The following AATK variants were observed in gnomAD, a reference collection of about 807,000 sequenced individuals.
AATK encodes lemur tail kinase 1.
Under a neutral mutation model 114.3 loss-of-function variants are expected in AATK, and 91 were observed. The ratio of observed to expected loss-of-function variants is 0.80; its 90% CI spans 0.67 to 0.95. The LOEUF is 0.95. Ranked by LOEUF, AATK falls within the 40% of genes least tolerant of loss-of-function variation. AATK has a pLI of 0.00. For synonymous variants in AATK, 1,075 were observed against 916.5 expected, an observed-to-expected ratio of 1.17 and a Z score of -3.12; for missense variants, 2,176 against 1,965.2, an observed-to-expected ratio of 1.11 and a Z score of -2.03.
intron 1 of AATK, among the ~76,000 whole-genome samples, chr17:81,150,440 A>C (rs1598967143): frequency 5.7e-5 from 5 of 88,298 alleles, no homozygotes; most frequent in Admixed American, 1.6e-4. Context: ...CCCCCATCCT[A>C]CTCCTCAGTA....
intron 1 of AATK, among the ~76,000 whole-genome samples, chr17:81,157,003 G>A (rs2061374782): frequency 6.6e-6 from 1 of 152,160 alleles, no homozygotes; most frequent in Admixed American, 6.5e-5. Flanking sequence ...GACAGCAACG[G>A]TGCCCCCACA....
Position 81,128,491 on chromosome 17 carries a change from G to A in AATK, c.393C>T (p.Ile131=), listed in dbSNP as rs1047578414. Residue 131 remains isoleucine, a synonymous_variant, in exon 4 of 14, where the codon ATC becomes ATT. Transcript: ENST00000326724. ...GTACCTTCCCGAACCAGCCACGGCC[G>A]ATTTCCTTCAGGTACAGGAGGCTGT... ...GRHSLLYLKE[I]GRGWFGKVFL... 25 of 1,549,176 alleles carry A rather than the reference G, an allele frequency of 1.6e-5. No individual in the cohort carries two copies. The highest frequency in any genetic ancestry group is 7.3e-5 in the East Asian group (3 of 40,932).
Position 81,121,257 on chromosome 17 carries a change from C to T in AATK, c.2679G>A (p.Leu893=), listed in dbSNP as rs1249454091. 1.9e-6 allele frequency: 3 copies of T among 1,609,722 alleles called. No individual in the cohort carries two copies. Among genetic ancestry groups the T allele is most frequent in the East Asian group, 2.2e-5 (1 of 44,794 alleles). ...AGTCGGGGGTCCCCACCTGCTTCTG[C>T]AGAGAGCGGAAGGCTGGCACCACAT... ...RPDVVPAFRS[L]QKQVGTPDSL... is the part of the protein sequence containing the mutation. Residue 893 remains leucine (L), a synonymous_variant, in exon 11 of 14, where the codon CTG becomes CTA. Coordinates refer to ENST00000326724, the MANE Select transcript of AATK (RefSeq NM_001080395.3).
Position 81,130,033 on chromosome 17 carries a change from C to T in AATK, c.334+1028G>A, listed in dbSNP as rs1031328468. ...CAGACCAGTGCCTTGGGCCTCTCAG[C>T]CCACGATGAAGGCTAGGCTCTCAGG... On this transcript the variant is annotated intron_variant, in intron 3 of 13. Coordinates refer to ENST00000326724, the MANE Select transcript of AATK (RefSeq NM_001080395.3). Among the ~76,000 whole-genome samples, 5 of 152,206 alleles carry T rather than the reference C, an allele frequency of 3.3e-5. No homozygotes were observed. In the East Asian group the frequency reaches 9.6e-4, roughly 29 times the overall value.
At chr17:81,151,096 G>A (rs2061288977) in intron 1 of AATK, among the ~76,000 whole-genome samples, 1 of 152,176 alleles carries the variant, frequency 6.6e-6, no homozygotes, top group Admixed American at 6.5e-5. Context: ...GAACCACTGT[G>A]AGGCAGACAG....
chr17:81,120,529 G>C lies in AATK; in HGVS notation c.3407C>G (p.Pro1136Arg). 6.7e-7 allele frequency: 1 copy of C among 1,484,170 alleles called. No homozygotes were observed. The highest frequency in any genetic ancestry group is 9.0e-7 in the Non-Finnish European group (1 of 1,116,478). 91.9% of individuals were successfully genotyped at this position (1,484,170 alleles called of 1,614,324 possible). A position where few individuals can be genotyped will look rare whatever the true frequency, so the allele number is the denominator to read the frequency against. Residue 1136 changes from proline (P) to arginine (R), a missense_variant, in exon 11 of 14, where the codon CCA becomes CGA. Physicochemically the swap from Pro to Arg is moderately radical, Grantham distance 103. Transcript: ENST00000326724. ...GPAPQKRMGG[P>R]GTPRAPLRLA... The stretch of plus-strand genomic sequence containing the variant: ...GCGGAGTGGGGCTCTGGGGGTGCCT[G>C]GGCCCCCCATCCGCTTTTGTGGGGC...
intron 6 of AATK, among the ~76,000 whole-genome samples, chr17:81,127,005 A>G (rs1374560304): frequency 7.6e-5 from 11 of 144,576 alleles, no homozygotes. Context: ...GATCCAGCCC[A>G]GCCACAGACA....
intron 1 of AATK, among the ~76,000 whole-genome samples, chr17:81,135,567 G>A (rs1454032748): frequency 6.6e-6 from 1 of 152,118 alleles, no homozygotes; most frequent in Non-Finnish European, 1.5e-5. Flanking sequence ...ACCCCCAAAG[G>A]TGTTGTCATC....
At chr17:81,140,827 G>A (rs1439834581) in intron 1 of AATK, among the ~76,000 whole-genome samples, 1 of 113,890 alleles carries the variant, frequency 8.8e-6, no homozygotes, top group African/African-American at 3.6e-5. Flanking sequence ...CGTGGGGCCG[G>A]GAGACCGTGG....
chr17:81,133,948 T>C (rs1352679236), intron 2 of AATK, among the ~76,000 whole-genome samples: 1 of 152,154 alleles, frequency 6.6e-6, no homozygotes, highest in Non-Finnish European at 1.5e-5. Context: ...CGGACTCCCC[T>C]TTGCAGATTG....
chr17:81,137,021 G>A (rs2061020795), intron 1 of AATK, among the ~76,000 whole-genome samples: 1 of 152,092 alleles, frequency 6.6e-6, no homozygotes, highest in Non-Finnish European at 1.5e-5. Flanking sequence ...ACTTTGGGAG[G>A]CCAAGGCAGG....
At chr17:81,152,008 C>T (rs2061305342) in intron 1 of AATK, among the ~76,000 whole-genome samples, 1 of 152,230 alleles carries the variant, frequency 6.6e-6, no homozygotes, top group Non-Finnish European at 1.5e-5. Flanking sequence ...GGCACAGTGG[C>T]TCCCGCCTGT....
chr17:81,127,505 G>C, intron 6 of AATK, 78 bp downstream of exon 6: 1 of 1,401,696 alleles, frequency 7.1e-7, no homozygotes, highest in Non-Finnish European at 9.9e-7. Flanking sequence ...CAAGGAGGGG[G>C]TGGCACCAGA....
Position 81,122,296 on chromosome 17 carries a change from C to T in AATK, c.1640G>A (p.Cys547Tyr), listed in dbSNP as rs1001927743. 42 of 1,506,098 alleles carry T rather than the reference C, an allele frequency of 2.8e-5. No individual in the cohort carries two copies. Among genetic ancestry groups the T allele is most frequent in the Non-Finnish European group, 3.6e-5 (41 of 1,133,986 alleles). 93.3% of individuals were successfully genotyped at this position (1,506,098 alleles called of 1,614,324 possible). The change falls in exon 11 of 14, where the codon TGC (cysteine) becomes TAC (tyrosine). Residue 547 changes from cysteine to tyrosine, a missense_variant. Cys to Tyr is a radical substitution (Grantham distance 194). This residue lies in a region of AATK where 1,701 missense variants were observed against 1,394.7 expected (regional missense o/e 1.22). Coordinates refer to ENST00000326724, the MANE Select transcript of AATK (RefSeq NM_001080395.3). ...AGGTGGACTGGGGGCGCAGCCGGCG[C>T]AGTCAGGGTCGTGGCCGGCGGCGGG... Reference protein sequence around the residue: ...AAPAAGHDPDCAGCAPSPPAT... With the variant: ...AAPAAGHDPDYAGCAPSPPAT...
At chr17:81,148,827 C>T (rs562613458) in intron 1 of AATK, among the ~76,000 whole-genome samples, 3 of 152,364 alleles carry the variant, frequency 2.0e-5, no homozygotes, top group Admixed American at 6.5e-5. Flanking sequence ...CTCACGCACA[C>T]ACCCTTGCCT....
At chr17:81,124,688 G>C in intron 9 of AATK, 39 bp downstream of exon 9, 4 of 1,600,536 alleles carry the variant, frequency 2.5e-6, no homozygotes, top group Non-Finnish European at 3.4e-6. Flanking sequence ...GGTGGCACTC[G>C]GCCTCGGCCC....
chr17:81,149,790 C>T (rs1467480080), intron 1 of AATK, among the ~76,000 whole-genome samples: 2 of 152,160 alleles, frequency 1.3e-5, no homozygotes, highest in African/African-American at 4.8e-5. Flanking sequence ...GCACAGGGTA[C>T]TCAGGAACCC....
chr17:81,154,023 C>G (rs1159094586), intron 1 of AATK, among the ~76,000 whole-genome samples: 1 of 152,030 alleles, frequency 6.6e-6, no homozygotes, highest in Non-Finnish European at 1.5e-5. Flanking sequence ...GTGAGCCGAG[C>G]TGAGATCACA....
rs545335208 is a variant in AATK at position 81,123,842 on chromosome 17, G to A, written c.963-499C>T. Among the ~76,000 whole-genome samples the A allele has an allele frequency of 8.5e-5, 13 of 152,266 alleles. No individual in the cohort carries two copies. The South Asian group carries it at 2.7e-3, about 32-fold the overall frequency. ...GCGTGCAGGCGGGTAGGGTAACTGG[G>A]GTCTCCTTCCCCGTGGGCTGTGGCT... is the stretch of plus-strand genomic sequence containing the variant. On this transcript the variant is annotated intron_variant, in intron 9 of 13. Transcript: ENST00000326724.
Sources: gnomAD v4.1 joint callset for allele counts (sites outside exome capture counted in the v4.1 genomes callset) on GRCh38, gnomAD v4.1.1 for gene constraint, gnomAD v4.1.1 regional missense constraint, MANE v1.5 for transcripts, NCBI Gene and HGNC (gene_info 2026-07-23, HGNC 2026-07-21) for gene names.